CCDC73: variants seen among roughly 807,000 people sequenced by gnomAD.
CCDC73 encodes the protein coiled-coil domain containing 73.
A neutral mutation model predicts 116.5 loss-of-function variants in CCDC73; 95 were observed. The ratio of observed to expected loss-of-function variants is 0.82; its 90% CI spans 0.69 to 0.97. CCDC73 has a LOEUF of 0.97. Among genes scored for constraint, CCDC73 ranks in the 50% least tolerant of loss-of-function variants. The pLI, the probability that CCDC73 is intolerant of heterozygous loss-of-function variation, is 0.00. For synonymous variants in CCDC73, 398 were observed against 401.3 expected, an observed-to-expected ratio of 0.99 and a Z score of 0.10; for missense variants, 1,066 against 1,206.8, an observed-to-expected ratio of 0.88 and a Z score of 1.73.
At chr11:32,619,337 G>A (rs1855502127) in intron 14 of CCDC73, among the ~76,000 whole-genome samples, 1 of 152,146 alleles carries the variant, frequency 6.6e-6, no homozygotes, top group South Asian at 2.1e-4. Context: ...TGCTATAAAT[G>A]TAGATTTGAA....
chr11:32,640,733 T>C (rs1855724440), intron 13 of CCDC73, among the ~76,000 whole-genome samples: 1 of 152,234 alleles, frequency 6.6e-6, no homozygotes, highest in South Asian at 2.1e-4. Flanking sequence ...ACATGTTAGT[T>C]CCGGCTGGGC....
At chr11:32,769,168 A>AC (rs966304047) in intron 1 of CCDC73, among the ~76,000 whole-genome samples, 2 of 152,218 alleles carry the variant, frequency 1.3e-5, no homozygotes, top group Non-Finnish European at 2.9e-5. Context: ...TTGAAGATAT[A>AC]CACCCTTTAT....
chr11:32,700,775 A>T lies in CCDC73; in HGVS notation c.315+16T>A, dbSNP rs760828299. 1.6e-4 allele frequency: 214 copies of T among 1,325,424 alleles called. 1 individual carries two copies. The highest frequency in any genetic ancestry group is 1.9e-4 in the Non-Finnish European group (185 of 970,466). 82.1% of individuals were successfully genotyped at this position (1,325,424 alleles called of 1,614,324 possible). ...ACTTTTTAATAGACAGAAAATTTTA[A>T]AAAAATTATAAATACCTTTTCTTCT... On this transcript the variant is annotated intron_variant, in intron 5 of 17. Transcript: ENST00000335185.
the CCDC73 span, among the ~76,000 whole-genome samples, chr11:32,819,078 T>C: frequency 6.6e-6 from 1 of 152,138 alleles, no homozygotes; most frequent in East Asian, 1.9e-4. Flanking sequence ...TTATGTAAAT[T>C]TTATCTCAAT....
chr11:32,615,207 C>T lies in CCDC73; in HGVS notation c.1376-265G>A, dbSNP rs553372152. ...AGCAAAGTATTTTTGGTTTTGTAAA[C>T]GGAAAGTAAGTTGAGGTATTAAAAA... On this transcript the variant is annotated intron_variant, in intron 15 of 17. Transcript: ENST00000335185. 7.9e-5 allele frequency among the ~76,000 whole-genome samples: 12 copies of T among 151,976 alleles called. 1 individual carries two copies. The East Asian group carries it at 1.2e-3, about 15-fold the overall frequency.
the CCDC73 span, among the ~76,000 whole-genome samples, chr11:32,817,859 G>A: frequency 6.6e-6 from 1 of 152,172 alleles, no homozygotes; most frequent in South Asian, 2.1e-4. Context: ...GTCCAGTGAT[G>A]AAAATTCATA....
upstream of CCDC73, among the ~76,000 whole-genome samples, chr11:32,796,409 CCAGA>C (rs1379133855): frequency 2.6e-5 from 4 of 152,274 alleles, no homozygotes; most frequent in South Asian, 6.2e-4. Context: ...TTACTATGTG[CCAGA>C]CAATGAGCTA....
At chr11:32,637,262 C>T (rs1012232034) in intron 13 of CCDC73, among the ~76,000 whole-genome samples, 4 of 151,974 alleles carry the variant, frequency 2.6e-5, no homozygotes, top group African/African-American at 4.8e-5. Context: ...CCGCCCACCT[C>T]GGCCTCCCAA....
chr11:32,614,525 T>C lies in CCDC73; in HGVS notation c.1793A>G (p.Asn598Ser), dbSNP rs748857506. ...YHNNNKDVSE[N>S]EPFKQFRLLP... ...CAATCTGAATTGTTTGAATGGCTCA[T>C]TTTCAGAAACATCTTTATTATTATT... is the stretch of plus-strand genomic sequence containing the variant. Residue 598 changes from asparagine (N) to serine (S), a missense_variant, in exon 16 of 18, where the codon AAT becomes AGT. Coordinates refer to ENST00000335185, the MANE Select transcript of CCDC73 (RefSeq NM_001008391.4). The C allele has an allele frequency of 1.2e-6, 2 of 1,613,230 alleles. No individual in the cohort carries two copies. The highest frequency in any genetic ancestry group is 2.2e-5 in the East Asian group (1 of 44,814).
chr11:32,698,068 A>G (rs1849773283), intron 6 of CCDC73, among the ~76,000 whole-genome samples: 1 of 128,396 alleles, frequency 7.8e-6, no homozygotes, highest in Non-Finnish European at 1.6e-5. Context: ...TCTGTCGCCC[A>G]GGCTGGAGTG....
chr11:32,830,116 C>A, the CCDC73 span: 190 of 994,794 alleles, frequency 1.9e-4, 2 homozygotes, highest in South Asian at 5.7e-3. Context: ...GCCGAAGGAA[C>A]CGCCCCAAGA....
intron 1 of CCDC73, among the ~76,000 whole-genome samples, chr11:32,787,915 C>T (rs1850641950): frequency 1.3e-5 from 2 of 152,114 alleles, no homozygotes; most frequent in South Asian, 2.1e-4. Context: ...ATAACTATTA[C>T]ATTTCCTAAG....
the CCDC73 span, among the ~76,000 whole-genome samples, chr11:32,826,846 G>T: frequency 6.6e-6 from 1 of 151,996 alleles, no homozygotes; most frequent in African/African-American, 2.4e-5. Flanking sequence ...AAAGGCATAA[G>T]AATATTATAA....
chr11:32,743,129 G>T (rs574183323), intron 2 of CCDC73, among the ~76,000 whole-genome samples: 8 of 152,288 alleles, frequency 5.3e-5, no homozygotes, highest in African/African-American at 1.9e-4. Context: ...GGATTGTCTT[G>T]TCAATGCGGG....
chr11:32,652,971 A>G (rs1855838979), intron 12 of CCDC73, 152 bp downstream of exon 12: 2 of 516,574 alleles, frequency 3.9e-6, no homozygotes, highest in Admixed American at 7.5e-5. Context: ...TTAGACACTG[A>G]AAACAAGTTG....
Position 32,775,966 on chromosome 11 carries a change from C to T in CCDC73, c.-15-15708G>A, listed in dbSNP as rs187726233. ...CTCTCAAATCTTTTTAATTTCATTG[C>T]GGTCAGTAGTATCATGTATTCTATT... On this transcript the variant is annotated intron_variant, in intron 1 of 17. Coordinates refer to ENST00000335185, the MANE Select transcript of CCDC73 (RefSeq NM_001008391.4). Among the ~76,000 whole-genome samples, 405 of 152,216 alleles carry T rather than the reference C, an allele frequency of 2.7e-3. 9 individuals are homozygous for T. Among genetic ancestry groups the T allele is most frequent in the Admixed American group, 0.022 (342 of 15,280 alleles).
At chr11:32,754,747 T>C (rs1230772362) in intron 2 of CCDC73, among the ~76,000 whole-genome samples, 2 of 151,800 alleles carry the variant, frequency 1.3e-5, no homozygotes, top group Non-Finnish European at 2.9e-5. Context: ...CATGGCAAAA[T>C]AAAGACATTT....
At chr11:32,764,045 A>C (rs7117035) in intron 1 of CCDC73, among the ~76,000 whole-genome samples, 2,566 of 152,308 alleles carry the variant, frequency 0.017, 75 homozygotes, top group African/African-American at 0.057. Context: ...AAACAAAGCG[A>C]GAAGAGAAGT....
In CCDC73 at chr11:32,684,018, C is replaced by A. The variant is rs115021993; in HGVS notation, c.391-444G>T. ...CATCTCACAATCCACAGATAACAGT[C>A]ATTAACACTTTGGTACTACCAGGTT... is the stretch of plus-strand genomic sequence containing the variant. On this transcript the variant is annotated intron_variant, in intron 6 of 17. Coordinates refer to ENST00000335185, the MANE Select transcript of CCDC73 (RefSeq NM_001008391.4). Among the ~76,000 whole-genome samples, 1,085 of 151,322 alleles carry A rather than the reference C, an allele frequency of 7.2e-3. 17 individuals are homozygous for A. Among genetic ancestry groups the A allele is most frequent in the African/African-American group, 0.025 (1,046 of 41,228 alleles).
Sources: allele counts gnomAD v4.1 joint callset (sites outside exome capture counted in the v4.1 genomes callset), GRCh38; gene constraint gnomAD v4.1.1; transcripts MANE v1.5; gene names NCBI Gene and HGNC (gene_info 2026-07-23, HGNC 2026-07-21).